NF2: variants seen among roughly 807,000 people sequenced by gnomAD.
NF2 encodes the protein NF2, moesin-ezrin-radixin like (MERLIN) tumor suppressor.
NF2 carries 8 observed loss-of-function variants against 83.7 expected under a neutral mutation model. The observed-to-expected ratio is 0.10, with a 90% CI of 0.06 to 0.17. The LOEUF (loss-of-function observed/expected upper bound fraction) is 0.17. NF2 is among the 10% of genes least tolerant of loss of function. NF2 has a pLI of 1.00. For missense variants in NF2, 533 were observed against 744.4 expected (o/e 0.72, Z 3.31); for synonymous variants, 266 against 269.6 (o/e 0.99, Z 0.13).
intron 3 of NF2, among the ~76,000 whole-genome samples, chr22:29,641,150 T>A (rs1407271650): frequency 1.3e-5 from 2 of 151,062 alleles, no homozygotes; most frequent in Non-Finnish European, 2.9e-5. Flanking sequence ...AAAGGGATGT[T>A]CTTGCAGTTT....
chr22:29,671,798 A>G (rs747551614), intron 10 of NF2, 28 bp from the exon 11 acceptor site: 1 of 1,613,442 alleles, frequency 6.2e-7, no homozygotes, highest in Non-Finnish European at 8.5e-7. Context: ...CCTGTGATTC[A>G]ATGACTGTTT....
Position 29,617,978 on chromosome 22 carries a change from T to C in NF2, c.114+13866T>C, listed in dbSNP as rs6006207. 9.4e-3 allele frequency among the ~76,000 whole-genome samples: 1,429 copies of C among 152,312 alleles called. 24 individuals are homozygous for C. The highest frequency in any genetic ancestry group is 0.033 in the African/African-American group (1,365 of 41,566). ...ACTAATAATGCTGACCCTGCAGAGT[T>C]CTTATAAGGATTCATGGAATGCATA... On this transcript the variant is annotated intron_variant, in intron 1 of 15. Coordinates refer to ENST00000338641, the MANE Select transcript of NF2 (RefSeq NM_000268.4).
chr22:29,679,634 A>AG (rs1208327596), intron 14 of NF2, among the ~76,000 whole-genome samples: 2 of 152,116 alleles, frequency 1.3e-5, no homozygotes, highest in Non-Finnish European at 2.9e-5. Flanking sequence ...TGGGAGTCCA[A>AG]GGGGGGCAGA....
chr22:29,683,935 T>C (rs2067212348), intron 15 of NF2: 3 of 1,030,876 alleles, frequency 2.9e-6, no homozygotes, highest in Non-Finnish European at 3.5e-6. Context: ...TAATCCCCAG[T>C]AGTACCCATG....
At chr22:29,624,199 GT>G (rs947347693) in intron 1 of NF2, among the ~76,000 whole-genome samples, 1 of 151,754 alleles carries the variant, frequency 6.6e-6, no homozygotes, top group African/African-American at 2.4e-5. Flanking sequence ...TTTTTATAGG[GT>G]TTTTTTTGTT....
At chr22:29,617,076 G>A (rs959105486) in intron 1 of NF2, among the ~76,000 whole-genome samples, 1 of 152,028 alleles carries the variant, frequency 6.6e-6, no homozygotes, top group African/African-American at 2.4e-5. Context: ...TTACAGGCAT[G>A]TGCCACCATG....
intron 12 of NF2, among the ~76,000 whole-genome samples, 183 bp downstream of exon 12, chr22:29,673,669 G>A (rs2066877069): frequency 6.6e-6 from 1 of 152,200 alleles, no homozygotes; most frequent in African/African-American, 2.4e-5. Context: ...TGGCGCTACT[G>A]GTTGGGCACA....
chr22:29,660,113 C>T (rs570440653), intron 7 of NF2, among the ~76,000 whole-genome samples: 11 of 152,212 alleles, frequency 7.2e-5, no homozygotes, highest in South Asian at 2.1e-4. Flanking sequence ...CAGCGAGTTT[C>T]CTTCCACTCC....
At position 29,615,475 on chromosome 22, in the gene NF2, A is replaced by G. The variant is rs188158132; in HGVS notation, c.114+11363A>G. Among the ~76,000 whole-genome samples the G allele has an allele frequency of 3.1e-3, 465 of 152,256 alleles. 2 individuals are homozygous for G. Among genetic ancestry groups the G allele is most frequent in the Non-Finnish European group, 4.3e-3 (291 of 68,022 alleles). ...GTAGTCTTAGTTACTTGGGAGGTTGAGGTGGGAGGATCACTTGAGCCTGGG... is the reference window on the plus strand; with the variant it reads ...GTAGTCTTAGTTACTTGGGAGGTTGGGGTGGGAGGATCACTTGAGCCTGGG... On this transcript the variant is annotated intron_variant, in intron 1 of 15. Coordinates refer to ENST00000338641, the MANE Select transcript of NF2 (RefSeq NM_000268.4).
rs1195127705 is a variant in NF2 at position 29,673,370 on chromosome 22, A to G, written c.1224A>G (p.Glu408=). The change falls in exon 12 of 16, where the codon GAA becomes GAG. Residue 408 remains glutamate, a synonymous_variant. Transcript: ENST00000338641. The part of the protein sequence containing the change: ...LAQKAAEAEQ[E]MQRIKATAIR... ...AGAAGGCCGCAGAGGCTGAGCAGGAAATGCAGCGCATCAAGGCCACAGCGA... is the reference window on the plus strand; with the variant it reads ...AGAAGGCCGCAGAGGCTGAGCAGGAGATGCAGCGCATCAAGGCCACAGCGA... 1 of 1,610,314 alleles carries G rather than the reference A, an allele frequency of 6.2e-7. No homozygotes were observed. Among genetic ancestry groups the G allele is most frequent in the Non-Finnish European group, 8.5e-7 (1 of 1,178,808 alleles).
chr22:29,691,832 GCTGCTAC>G (rs1228925731), intron 15 of NF2, among the ~76,000 whole-genome samples: 1 of 152,252 alleles, frequency 6.6e-6, no homozygotes. Context: ...GCTCCACTGA[GCTGCTAC>G]CTGCAGGAAA....
intron 7 of NF2, among the ~76,000 whole-genome samples, chr22:29,660,048 G>T (rs2066431783): frequency 6.6e-6 from 1 of 152,210 alleles, no homozygotes; most frequent in Non-Finnish European, 1.5e-5. Flanking sequence ...CTGCCCTTGA[G>T]TCTTGGTTCA....
intron 6 of NF2, 109 bp downstream of exon 6, chr22:29,655,785 G>GTTTTGCTATAA: frequency 1.1e-6 from 1 of 881,994 alleles, no homozygotes. Context: ...ATGCAGTACT[G>GTTTTGCTATAA]AAGTCTATAA....
At chr22:29,657,245 C>CAGATTGGGG (rs2066339819) in intron 6 of NF2, among the ~76,000 whole-genome samples, 1 of 152,028 alleles carries the variant, frequency 6.6e-6, no homozygotes, top group South Asian at 2.1e-4. Flanking sequence ...TTTGTGTCTC[C>CAGATTGGGG]TTTTACTCAG....
chr22:29,686,508 G>A (rs1365751811), intron 15 of NF2, among the ~76,000 whole-genome samples: 5 of 152,130 alleles, frequency 3.3e-5, no homozygotes, highest in African/African-American at 2.4e-5. Context: ...GTGTGGTGGC[G>A]CATGCCTGTA....
rs147987957 is a variant in NF2 at position 29,681,127 on chromosome 22, G to A, written c.1575-312G>A. Among the ~76,000 whole-genome samples, 539 of 151,814 alleles carry A rather than the reference G, an allele frequency of 3.6e-3. 5 individuals carry two copies. Among genetic ancestry groups the A allele is most frequent in the African/African-American group, 0.012 (513 of 41,346 alleles). ...GCTGGTCTCCAACTCCTGGGCTCAA[G>A]CAATCCTCCTGCCTCAGCCACCCAA... On this transcript the variant is annotated intron_variant, in intron 14 of 15. Coordinates refer to ENST00000338641, the MANE Select transcript of NF2 (RefSeq NM_000268.4).
chr22:29,658,087 G>T, intron 6 of NF2, 102 bp from the exon 7 acceptor site: 1 of 1,024,160 alleles, frequency 9.8e-7, no homozygotes, highest in Non-Finnish European at 1.5e-6. Flanking sequence ...CAGCGACGTG[G>T]CTCTAGAGGA....
At chr22:29,680,980 G>C (rs1441054002) in intron 14 of NF2, among the ~76,000 whole-genome samples, 2 of 151,720 alleles carry the variant, frequency 1.3e-5, no homozygotes, top group African/African-American at 2.4e-5. Context: ...AGCTGTCCAT[G>C]AGAGCTGGTA....
At position 29,694,945 on chromosome 22, in the gene NF2, G is replaced by A. The variant is rs1457385172; in HGVS notation, c.*143G>A. On this transcript the variant is annotated 3_prime_UTR_variant, in exon 16 of 16. Coordinates refer to ENST00000338641, the MANE Select transcript of NF2 (RefSeq NM_000268.4). This position sits in a 1 kb window ranked among gnomAD's most constrained non-coding sequence, Gnocchi z 4.1. Reference sequence around the variant, plus strand: ...AGAACTTTCCCCAGCTGAGTGAAGAGCCCAGCCCCTCTTATGTGCAATTGC... The same window carrying A: ...AGAACTTTCCCCAGCTGAGTGAAGAACCCAGCCCCTCTTATGTGCAATTGC... The A allele has an allele frequency of 3.7e-6, 3 of 814,404 alleles. No individual in the cohort carries two copies. The East Asian group carries it at 7.9e-5, about 22-fold the overall frequency. 50.4% of individuals were successfully genotyped at this position (814,404 alleles called of 1,614,324 possible). A position where few individuals can be genotyped will look rare whatever the true frequency, so the allele number is the denominator to read the frequency against.
Sources: allele counts gnomAD v4.1 joint callset (sites outside exome capture counted in the v4.1 genomes callset), GRCh38; gene constraint gnomAD v4.1.1; non-coding constraint Gnocchi (gnomAD v3.1); transcripts MANE v1.5; gene names NCBI Gene and HGNC (gene_info 2026-07-23, HGNC 2026-07-21).